LINGO2: variants seen among roughly 807,000 people sequenced by gnomAD.
LINGO2 encodes leucine rich repeat and Ig domain containing 2.
A neutral mutation model predicts 30.6 loss-of-function variants in LINGO2; 14 were observed. The ratio of observed to expected loss-of-function variants is 0.46; its 90% CI spans 0.30 to 0.72. LINGO2 has a LOEUF of 0.72. Among genes scored for constraint, LINGO2 ranks in the 30% least tolerant of loss-of-function variants. The pLI is 0.07. For synonymous variants in LINGO2, 317 were observed against 288.5 expected, an observed-to-expected ratio of 1.10 and a Z score of -1.00; for missense variants, 729 against 751.7, an observed-to-expected ratio of 0.97 and a Z score of 0.35.
chr9:28,422,719 A>G (rs1410041096), intron 2 of LINGO2, among the ~76,000 whole-genome samples: 1 of 152,094 alleles, frequency 6.6e-6, no homozygotes, highest in Non-Finnish European at 1.5e-5. Context: ...ACATTTGTAT[A>G]TCTATGTTTA....
chr9:29,211,573 C>A, the LINGO2 span, among the ~76,000 whole-genome samples: 2 of 139,406 alleles, frequency 1.4e-5, no homozygotes, highest in East Asian at 5.1e-4. Context: ...CTTCTCTTCT[C>A]TTCTCTTCTC....
intron 4 of LINGO2, among the ~76,000 whole-genome samples, chr9:28,063,653 C>T (rs555821704): frequency 4.6e-5 from 7 of 152,182 alleles, no homozygotes; most frequent in South Asian, 2.1e-4. Flanking sequence ...CTTTCCATTT[C>T]GTCGTGTCCT....
chr9:28,516,749 C>T (rs1820633931), intron 1 of LINGO2, among the ~76,000 whole-genome samples: 1 of 152,194 alleles, frequency 6.6e-6, no homozygotes, highest in South Asian at 2.1e-4. Context: ...CTGAAGAACA[C>T]TCTATCCTAA....
rs868819189 is a variant in LINGO2, at chr9:28,647,898, T to C, written c.-365+22302A>G. 2.6e-3 allele frequency among the ~76,000 whole-genome samples: 395 copies of C among 150,538 alleles called. 1 individual carries two copies. The highest frequency in any genetic ancestry group is 8.3e-3 in the African/African-American group (344 of 41,246). On this transcript the variant is annotated intron_variant, in intron 1 of 5. Transcript: ENST00000379992. The stretch of plus-strand genomic sequence containing the variant: ...ATATTTCTTTTTCTTTCTTTCTTTT[T>C]TTTTTTTTTTTTTACTCCTTACATA...
Position 28,506,487 on chromosome 9 carries a change from TAC to T in LINGO2, c.-364-30464_-364-30463del, listed in dbSNP as rs374238897. ...ATACACACACACACACACATACACA[TAC>T]ACACACACACACAGACATATATATA... On this transcript the variant is annotated intron_variant, in intron 1 of 5. Coordinates refer to ENST00000379992, the Ensembl canonical transcript of LINGO2. 4.7e-4 allele frequency among the ~76,000 whole-genome samples: 19 copies of T among 40,444 alleles called. 3 individuals carry two copies. The highest frequency in any genetic ancestry group is 1.2e-3 in the African/African-American group (18 of 14,842). The allele number at this position is 40,444 out of a possible 152,430, so 26.5% of individuals were successfully genotyped here. A position where few individuals can be genotyped will look rare whatever the true frequency, so the allele number is the denominator to read the frequency against.
chr9:28,456,125 G>A (rs1332974607), intron 2 of LINGO2, among the ~76,000 whole-genome samples: 2 of 152,056 alleles, frequency 1.3e-5, no homozygotes, highest in Non-Finnish European at 2.9e-5. Context: ...ATGCTGTGTT[G>A]TGTTTTATAA....
intron 5 of LINGO2, among the ~76,000 whole-genome samples, chr9:27,969,610 G>C (rs1820260219): frequency 6.6e-6 from 1 of 152,124 alleles, no homozygotes; most frequent in Non-Finnish European, 1.5e-5. Flanking sequence ...TCTGGGTTAA[G>C]TTTACTTGTA....
the LINGO2 span, among the ~76,000 whole-genome samples, chr9:28,931,231 T>G: frequency 1.3e-5 from 2 of 152,206 alleles, no homozygotes; most frequent in Non-Finnish European, 2.9e-5. Flanking sequence ...AATGACAGTT[T>G]TGAGTACGTG....
At chr9:28,083,785 A>G (rs1346036259) in intron 4 of LINGO2, among the ~76,000 whole-genome samples, 1 of 152,188 alleles carries the variant, frequency 6.6e-6, no homozygotes, top group African/African-American at 2.4e-5. Flanking sequence ...TTCATTAATC[A>G]ATAGTATTAT....
chr9:28,008,597 T>C lies in LINGO2; in HGVS notation c.-36+3758A>G, dbSNP rs143914788. ...TTAGAATAGATGAGTTTTAGCAAGA[T>C]TTCAGAATACAAGATCAATATAAAT... On this transcript the variant is annotated intron_variant, in intron 5 of 5. Transcript: ENST00000379992. Among the ~76,000 whole-genome samples the C allele has an allele frequency of 9.9e-3, 1,509 of 152,216 alleles. 15 individuals carry two copies. The highest frequency in any genetic ancestry group is 0.017 in the Middle Eastern group (5 of 294).
chr9:28,969,922 A>T, the LINGO2 span, among the ~76,000 whole-genome samples: 1 of 152,228 alleles, frequency 6.6e-6, no homozygotes, highest in Non-Finnish European at 1.5e-5. Context: ...GATGTCTATT[A>T]GACATTTAAG....
chr9:28,310,066 T>G (rs538685824), intron 3 of LINGO2, among the ~76,000 whole-genome samples: 17 of 152,294 alleles, frequency 1.1e-4, no homozygotes, highest in African/African-American at 4.1e-4. Context: ...GAGTGTAATA[T>G]GACACAACCA....
At chr9:28,793,979 A>G in the LINGO2 span, among the ~76,000 whole-genome samples, 1 of 151,988 alleles carries the variant, frequency 6.6e-6, no homozygotes, top group Non-Finnish European at 1.5e-5. Context: ...CCACCCTCCT[A>G]CTCCTCAAAA....
At chr9:28,030,145 T>G (rs973588188) in intron 4 of LINGO2, among the ~76,000 whole-genome samples, 3 of 152,132 alleles carry the variant, frequency 2.0e-5, no homozygotes, top group Admixed American at 1.3e-4. Context: ...CCAAAAATTA[T>G]AGGGAAGAAT....
the LINGO2 span, among the ~76,000 whole-genome samples, chr9:29,167,465 T>A: frequency 1.3e-5 from 2 of 152,116 alleles, no homozygotes; most frequent in African/African-American, 4.8e-5. Context: ...TCTTGTGAGC[T>A]TAAGTGTGAC....
intron 4 of LINGO2, among the ~76,000 whole-genome samples, chr9:28,100,099 T>G (rs557707554): frequency 7.9e-5 from 12 of 152,326 alleles, no homozygotes; most frequent in Middle Eastern, 6.8e-3. Context: ...TCCCATTAGA[T>G]TGAAAGCTCT....
the LINGO2 span, among the ~76,000 whole-genome samples, chr9:28,882,903 A>C: frequency 6.6e-6 from 1 of 152,210 alleles, no homozygotes; most frequent in Non-Finnish European, 1.5e-5. Flanking sequence ...GAGCTATTGT[A>C]ATAGTCTTGT....
the LINGO2 span, among the ~76,000 whole-genome samples, chr9:28,868,317 T>C: frequency 3.3e-5 from 5 of 152,160 alleles, no homozygotes; most frequent in Admixed American, 3.3e-4. Flanking sequence ...AGATCATTTG[T>C]CTAAGCAGTA....
the LINGO2 span, among the ~76,000 whole-genome samples, chr9:29,001,172 A>G: frequency 6.6e-6 from 1 of 151,882 alleles, no homozygotes; most frequent in Non-Finnish European, 1.5e-5. Flanking sequence ...CATAGTCAAA[A>G]AATTTTGAAA....
Sources: gnomAD v4.1 joint callset for allele counts (sites outside exome capture counted in the v4.1 genomes callset) on GRCh38, gnomAD v4.1.1 for gene constraint, MANE v1.5 for transcripts, NCBI Gene and HGNC (gene_info 2026-07-23, HGNC 2026-07-21) for gene names.